Variants in MTR observed in about 807,000 individuals in gnomAD.
The protein encoded by MTR is 5-methyltetrahydrofolate-homocysteine methyltransferase, also known as methionine synthase.
Under a neutral mutation model 154.8 loss-of-function variants are expected in MTR, and 84 were observed. The observed-to-expected ratio is 0.54, with a 90% CI of 0.45 to 0.65. MTR has a LOEUF of 0.65. Among genes scored for constraint, MTR ranks in the 30% least tolerant of loss-of-function variants. The pLI, the probability that MTR is intolerant of heterozygous loss-of-function variation, is 0.00. For missense variants in MTR, 1,275 were observed against 1,570.2 expected (o/e 0.81, Z 3.18); for synonymous variants, 554 against 553.9 (o/e 1.00, Z 0.00).
At chr1:236,886,736 C>T (rs962711505) in intron 27 of MTR, among the ~76,000 whole-genome samples, 1 of 152,214 alleles carries the variant, frequency 6.6e-6, no homozygotes, top group Admixed American at 6.5e-5. Context: ...TTCCTCTGTG[C>T]TGTGCTTGCG....
intron 27 of MTR, among the ~76,000 whole-genome samples, chr1:236,886,960 CTT>C (rs34718091): frequency 0.076 from 11,518 of 152,210 alleles, 932 homozygotes; most frequent in African/African-American, 0.2. Flanking sequence ...GTTTCCCTCT[CTT>C]TTTATTTCTT....
At chr1:236,812,304 G>A (rs1350578343) in intron 5 of MTR, among the ~76,000 whole-genome samples, 2 of 152,268 alleles carry the variant, frequency 1.3e-5, no homozygotes, top group African/African-American at 2.4e-5. Flanking sequence ...AAATCTGCGG[G>A]CTTGCAGCCC....
intron 5 of MTR, among the ~76,000 whole-genome samples, chr1:236,812,473 T>C (rs1414780235): frequency 1.3e-5 from 2 of 152,236 alleles, no homozygotes; most frequent in Non-Finnish European, 2.9e-5. Context: ...AAGAAATTCA[T>C]ACGCCTTCCC....
At position 236,825,328 on chromosome 1, in the gene MTR, C is replaced by G. The variant is rs368755647; in HGVS notation, c.866-10C>G. On this transcript the variant is annotated splice_polypyrimidine_tract_variant and intron_variant, in intron 9 of 32. Coordinates refer to ENST00000366577, the MANE Select transcript of MTR (RefSeq NM_000254.3). Reference sequence around the variant, plus strand: ...CAATTTGCAATAATGGTTGAATTATCCTTTCTCAGGTCTTCCCAACACCTT... The same window carrying G: ...CAATTTGCAATAATGGTTGAATTATGCTTTCTCAGGTCTTCCCAACACCTT... 8.2e-5 allele frequency: 132 copies of G among 1,609,224 alleles called. No individual in the cohort carries two copies. The highest frequency in any genetic ancestry group is 8.8e-5 in the Non-Finnish European group (103 of 1,175,942).
At chr1:236,890,470 A>G (rs1023012789) in intron 28 of MTR, among the ~76,000 whole-genome samples, 1 of 152,058 alleles carries the variant, frequency 6.6e-6, no homozygotes, top group Non-Finnish European at 1.5e-5. Context: ...ATACAATTCC[A>G]CTGACTTCAC....
At chr1:236,855,022 G>A (rs1174958766) in intron 18 of MTR, among the ~76,000 whole-genome samples, 3 of 152,104 alleles carry the variant, frequency 2.0e-5, no homozygotes, top group Admixed American at 6.6e-5. Flanking sequence ...GGTGACTTCC[G>A]TTGCCATTGA....
rs748662429 is a variant in MTR at position 236,795,631 on chromosome 1, C to T, written c.-73C>T. 2 of 1,608,004 alleles carry T rather than the reference C, an allele frequency of 1.2e-6. No homozygotes were observed. The highest frequency in any genetic ancestry group is 1.7e-6 in the Non-Finnish European group (2 of 1,179,142). ...CTCGCCTGGCGCTGGCTGGCGTGGC[C>T]CTTGGCCGTCGTCACCTGTGGAGAG... On this transcript the variant is annotated 5_prime_UTR_variant, in exon 1 of 33. Coordinates refer to ENST00000366577, the MANE Select transcript of MTR (RefSeq NM_000254.3).
chr1:236,897,310 G>GCGCGCGCGCGCGCGCACACACA, intron 32 of MTR, among the ~76,000 whole-genome samples, 192 bp downstream of exon 32: 4 of 128,682 alleles, frequency 3.1e-5, no homozygotes, highest in South Asian at 2.7e-4. Flanking sequence ...CCACACACAC[G>GCGCGCGCGCGCGCGCACACACA]CACACACACA....
chr1:236,826,983 T>A, intron 11 of MTR, 87 bp downstream of exon 11: 1 of 1,243,414 alleles, frequency 8.0e-7, no homozygotes, highest in Non-Finnish European at 1.2e-6. Flanking sequence ...ATGGGCTGAA[T>A]TGTGTCCTTC....
rs1287914490 is a variant in MTR, at chr1:236,899,428, GA to G, written c.*1785del. The G allele has an allele frequency of 1.3e-5, 2 of 152,186 alleles. No individual in the cohort carries two copies. Among genetic ancestry groups the G allele is most frequent in the African/African-American group, 4.8e-5 (2 of 41,438 alleles). The allele number at this position is 152,186 out of a possible 1,614,324, so 9.4% of individuals were successfully genotyped here. A position where few individuals can be genotyped will look rare whatever the true frequency, so the allele number is the denominator to read the frequency against. On this transcript the variant is annotated 3_prime_UTR_variant, in exon 33 of 33. Coordinates refer to ENST00000366577, the MANE Select transcript of MTR (RefSeq NM_000254.3). ...ATGGCAAGTCAGTGGGGACAGGAAG[GA>G]CCACTCCCTAAGTAATCCCAGAACA...
At chr1:236,891,045 G>T in intron 28 of MTR, 88 bp from the exon 29 acceptor site, 2 of 1,415,412 alleles carry the variant, frequency 1.4e-6, no homozygotes, top group South Asian at 2.3e-5. Flanking sequence ...GAAGGTGACT[G>T]AGGAGGGGTA....
chr1:236,862,930 A>G (rs1433000034), intron 21 of MTR, among the ~76,000 whole-genome samples: 1 of 152,222 alleles, frequency 6.6e-6, no homozygotes, highest in Non-Finnish European at 1.5e-5. Context: ...AGACAAACAC[A>G]GAGTTTATAA....
intron 24 of MTR, among the ~76,000 whole-genome samples, chr1:236,875,112 C>G (rs936202006): frequency 6.6e-6 from 1 of 152,208 alleles, no homozygotes; most frequent in Non-Finnish European, 1.5e-5. Context: ...TTAACACTCT[C>G]ACTTGCGATT....
At chr1:236,887,524 G>T (rs1273595796) in intron 27 of MTR, among the ~76,000 whole-genome samples, 1 of 152,336 alleles carries the variant, frequency 6.6e-6, no homozygotes, top group East Asian at 1.9e-4. Flanking sequence ...CTTTCCCTGT[G>T]AAATTGGAAT....
intron 22 of MTR, among the ~76,000 whole-genome samples, chr1:236,871,484 G>T (rs4659736): frequency 0.13 from 20,170 of 151,500 alleles, 1,624 homozygotes; most frequent in South Asian, 0.19. Context: ...ATACTGATGC[G>T]TTTTAGTTGA....
rs1406916579 is a variant in MTR, at chr1:236,862,317, G to C, written c.2278G>C (p.Val760Leu). ...FMEKEREETR[V>L]LNGTVEEEDP... ...GGAAAAAGAAAGAGAAGAAACCAGA[G>C]TGCTTAACGGCACAGTAGAAGAAGA... Residue 760 changes from valine to leucine, a missense_variant, in exon 21 of 33, where the codon GTG becomes CTG. Val to Leu is a conservative substitution (Grantham distance 32). Coordinates refer to ENST00000366577, the MANE Select transcript of MTR (RefSeq NM_000254.3). 6.2e-7 allele frequency: 1 copy of C among 1,613,878 alleles called. No homozygotes were observed. Among genetic ancestry groups the C allele is most frequent in the South Asian group, 1.1e-5 (1 of 91,084 alleles).
chr1:236,824,335 C>A, intron 9 of MTR, 116 bp downstream of exon 9: 1 of 916,492 alleles, frequency 1.1e-6, no homozygotes, highest in Non-Finnish European at 1.8e-6. Flanking sequence ...GTATAGTTGA[C>A]ACTTAATAAA....
At chr1:236,860,687 T>C (rs1664484290) in intron 19 of MTR, among the ~76,000 whole-genome samples, 2 of 152,222 alleles carry the variant, frequency 1.3e-5, no homozygotes, top group African/African-American at 2.4e-5. Context: ...TATAATCTGG[T>C]AAAACACGAA....
At chr1:236,859,212 T>A (rs1361147998) in intron 18 of MTR, among the ~76,000 whole-genome samples, 1 of 152,230 alleles carries the variant, frequency 6.6e-6, no homozygotes, top group Admixed American at 6.5e-5. Context: ...GCAGAGGGCA[T>A]CTCATGTCAA....
Sources: allele counts gnomAD v4.1 joint callset (sites outside exome capture counted in the v4.1 genomes callset), GRCh38; gene constraint gnomAD v4.1.1; transcripts MANE v1.5; gene names NCBI Gene and HGNC (gene_info 2026-07-23, HGNC 2026-07-21).